The following UAP1L1 variants were observed in gnomAD, a reference collection of about 807,000 sequenced individuals.
The protein encoded by UAP1L1 is UDP-N-acetylglucosamine pyrophosphorylase 1 like 1, also known as UDP-N-acetylhexosamine pyrophosphorylase-like protein 1.
UAP1L1 carries 45 observed loss-of-function variants against 45.3 expected under a neutral mutation model. The ratio of observed to expected loss-of-function variants is 0.99; its 90% CI spans 0.78 to 1.27. The LOEUF is 1.27. Ranked by LOEUF, UAP1L1 falls within the 50% of genes most tolerant of loss-of-function variation. The probability of loss-of-function intolerance (pLI) is 0.00; values close to 1 mark genes in which losing one functional copy is unlikely to be tolerated. For missense variants in UAP1L1, 667 were observed against 694.0 expected (o/e 0.96, Z 0.44); for synonymous variants, 323 against 303.9 (o/e 1.06, Z -0.65).
chr9:137,082,561 G>A lies in UAP1L1; in HGVS notation c.1432-76G>A. 8.1e-7 allele frequency: 1 copy of A among 1,235,424 alleles called. No individual in the cohort carries two copies. Among genetic ancestry groups the A allele is most frequent in the Non-Finnish European group, 1.2e-6 (1 of 864,060 alleles). The allele number at this position is 1,235,424 out of a possible 1,614,324, so 76.5% of individuals were successfully genotyped here. On this transcript the variant is annotated intron_variant, in intron 8 of 8. Transcript: ENST00000409858. This position sits in a 1 kb window ranked among gnomAD's most constrained non-coding sequence, Gnocchi z 5.7. ...ACCTGGGATCGCACCTGGGGACTGT[G>A]GCTCTTGGTGTGGCCAGAGGGGCTG...
Position 137,080,768 on chromosome 9 carries a change from C to T in UAP1L1, c.1258C>T (p.Pro420Ser). The change falls in exon 7 of 9, where the codon CCC (proline) becomes TCC (serine). Residue 420 changes from proline (P) to serine (S), a missense_variant. Physicochemically the swap from Pro to Ser is moderately conservative, Grantham distance 74 (BLOSUM62 -1). Coordinates refer to ENST00000409858, the MANE Select transcript of UAP1L1 (RefSeq NM_207309.3). ...KNAEPADRDS[P>S]RTARQALLTQ... ...CGCAGAGCCAGCCGACAGGGACAGT[C>T]CCCGCACCGCTCGCCAGGCCCTGCT... is the stretch of plus-strand genomic sequence containing the variant. 1 of 1,612,794 alleles carries T rather than the reference C, an allele frequency of 6.2e-7. No individual in the cohort carries two copies. Among genetic ancestry groups the T allele is most frequent in the South Asian group, 1.1e-5 (1 of 91,074 alleles).
intron 5 of UAP1L1, 44 bp downstream of exon 5, chr9:137,079,493 T>A: frequency 6.5e-7 from 1 of 1,541,534 alleles, no homozygotes; most frequent in Non-Finnish European, 8.8e-7. Context: ...CAGAGCCGCC[T>A]GCGTTGACCA....
Position 137,080,056 on chromosome 9 carries a change from G to A in UAP1L1, c.1092G>A (p.Val364=), listed in dbSNP as rs1048809309. The change falls in exon 6 of 9, where the codon GTG becomes GTA. Residue 364 remains valine, a synonymous_variant. Transcript: ENST00000409858. Reference sequence around the variant, plus strand: ...TGGCTGTGAAGAAGGTCCCGTATGTGGATGAGGAGGGGAATCTGGTAAAGC... The same window carrying A: ...TGGCTGTGAAGAAGGTCCCGTATGTAGATGAGGAGGGGAATCTGGTAAAGC... ...PHVAVKKVPY[V]DEEGNLVKPL... is the part of the protein sequence containing the mutation. 3.7e-6 allele frequency: 6 copies of A among 1,614,190 alleles called. No homozygotes were observed. Among genetic ancestry groups the A allele is most frequent in the Non-Finnish European group, 5.1e-6 (6 of 1,180,002 alleles).
rs1263205005 is a variant in UAP1L1, at chr9:137,084,379, T to C, written c.*1650T>C. On this transcript the variant is annotated 3_prime_UTR_variant, in exon 9 of 9. Coordinates refer to ENST00000409858, the MANE Select transcript of UAP1L1 (RefSeq NM_207309.3). ...TTAGTAGAGATGGGGTTTGACCGTG[T>C]TAGCCAGGATGGTCTCGATCTCCTG... is the stretch of plus-strand genomic sequence containing the variant. The C allele has an allele frequency of 1.3e-5, 2 of 152,248 alleles. No homozygotes were observed. Among genetic ancestry groups the C allele is most frequent in the Non-Finnish European group, 2.9e-5 (2 of 68,100 alleles). 9.4% of individuals were successfully genotyped at this position (152,248 alleles called of 1,614,324 possible).
chr9:137,081,869 G>C, intron 7 of UAP1L1, 129 bp from the exon 8 acceptor site: 1 of 873,938 alleles, frequency 1.1e-6, no homozygotes, highest in Admixed American at 1.8e-5. Flanking sequence ...AGAGGAAGAT[G>C]AGCTTGCTGA....
Position 137,077,903 on chromosome 9 carries a change from C to T in UAP1L1, c.289+82C>T. On this transcript the variant is annotated intron_variant, in intron 1 of 8. Transcript: ENST00000409858. The surrounding 1 kb of genome is among the most constrained non-coding windows in gnomAD (Gnocchi z 4.7). ...GGGAACCGAGGCCGCGCTCGGGGAA[C>T]TGTAGTTCTCCTCGCTACTTTGAGA... 6.7e-7 allele frequency: 1 copy of T among 1,485,452 alleles called. No homozygotes were observed. Among genetic ancestry groups the T allele is most frequent in the South Asian group, 1.3e-5 (1 of 74,618 alleles). The allele number at this position is 1,485,452 out of a possible 1,614,324, so 92.0% of individuals were successfully genotyped here.
Position 137,082,608 on chromosome 9 carries a change from C to T in UAP1L1, c.1432-29C>T, listed in dbSNP as rs779620781. 2.0e-6 allele frequency: 3 copies of T among 1,537,938 alleles called. No individual in the cohort carries two copies. The highest frequency in any genetic ancestry group is 3.9e-5 in the Admixed American group (2 of 50,950). ...GCTGTGACCCGCCAAAAGGTGGGTA[C>T]TTGGCCATTGTCCCCTGCTCGTCTC... is the stretch of plus-strand genomic sequence containing the variant. On this transcript the variant is annotated intron_variant, in intron 8 of 8. Transcript: ENST00000409858. The surrounding 1 kb of genome is among the most constrained non-coding windows in gnomAD (Gnocchi z 5.7).
At chr9:137,080,975 G>A (rs1832780233) in intron 7 of UAP1L1, 101 bp downstream of exon 7, 4 of 1,231,966 alleles carry the variant, frequency 3.2e-6, no homozygotes, top group Non-Finnish European at 4.4e-6. Context: ...CCATGCTGGG[G>A]AGGGGTCTTC....
In UAP1L1 at chr9:137,082,827, G is replaced by A; in HGVS notation, c.*98G>A. Reference sequence around the variant, plus strand: ...GACCTGCCAGCCCCGGCGTCCTGGAGCTGGGGGCTACAGCCCAGCCTGAGC... The same window carrying A: ...GACCTGCCAGCCCCGGCGTCCTGGAACTGGGGGCTACAGCCCAGCCTGAGC... On this transcript the variant is annotated 3_prime_UTR_variant, in exon 9 of 9. Transcript: ENST00000409858. The surrounding 1 kb of genome is among the most constrained non-coding windows in gnomAD (Gnocchi z 5.7). The A allele has an allele frequency of 3.0e-6, 3 of 1,013,306 alleles. No homozygotes were observed. The highest frequency in any genetic ancestry group is 4.4e-6 in the Non-Finnish European group (3 of 682,290). 62.8% of individuals were successfully genotyped at this position (1,013,306 alleles called of 1,614,324 possible).
intron 3 of UAP1L1, 85 bp from the exon 4 acceptor site, chr9:137,078,890 CT>C: frequency 6.8e-7 from 1 of 1,470,974 alleles, no homozygotes; most frequent in Admixed American, 2.4e-5. Context: ...AAGGCCGGGG[CT>C]TCCCCCGCCT....
Position 137,078,536 on chromosome 9 carries a change from A to G in UAP1L1, c.529A>G (p.Thr177Ala). 1.2e-6 allele frequency: 2 copies of G among 1,613,140 alleles called. No homozygotes were observed. Among genetic ancestry groups the G allele is most frequent in the Non-Finnish European group, 1.7e-6 (2 of 1,180,012 alleles). Residue 177 changes from threonine (T) to alanine (A), a missense_variant, in exon 3 of 9, where the codon ACG (threonine) becomes GCG (alanine). Physicochemically the swap from Thr to Ala is moderately conservative, Grantham distance 58. Coordinates refer to ENST00000409858, the MANE Select transcript of UAP1L1 (RefSeq NM_207309.3). ...GACCAGCGAGTTCACTCTGGGGCCC[A>G]CGGCCGAGTTCTTCAGGGAGCACAA... ...VMTSEFTLGP[T>A]AEFFREHNFF...
At chr9:137,079,938 A>G (rs1700559418) in intron 5 of UAP1L1, 64 bp from the exon 6 acceptor site, 43 of 1,584,434 alleles carry the variant, frequency 2.7e-5, no homozygotes, top group Non-Finnish European at 3.6e-5. Flanking sequence ...AAGTGGGGAC[A>G]GAGCCCCCAG....
rs946890897 is a variant in UAP1L1, at chr9:137,083,014, A to G, written c.*285A>G. On this transcript the variant is annotated 3_prime_UTR_variant, in exon 9 of 9. Transcript: ENST00000409858. The stretch of plus-strand genomic sequence containing the variant: ...GGCTCCATTCCTGGCTGTGGGGTCT[A>G]GTCAAGAGGCAGAGGGACTTGGGAC... The G allele has an allele frequency of 2.9e-5, 12 of 418,926 alleles. No individual in the cohort carries two copies. The highest frequency in any genetic ancestry group is 2.4e-4 in the African/African-American group (12 of 50,182). 26.0% of individuals were successfully genotyped at this position (418,926 alleles called of 1,614,324 possible).
intron 5 of UAP1L1, 62 bp downstream of exon 5, chr9:137,079,511 G>T (rs1307134977): frequency 4.0e-6 from 6 of 1,495,978 alleles, no homozygotes; most frequent in Non-Finnish European, 3.6e-6. Flanking sequence ...CCAGGGACCC[G>T]CGGGGTCCCA....
intron 3 of UAP1L1, 76 bp downstream of exon 3, chr9:137,078,753 G>C (rs755151127): frequency 1.3e-6 from 2 of 1,500,150 alleles, no homozygotes; most frequent in Non-Finnish European, 1.8e-6. Context: ...CACGCGCCCG[G>C]GTTCGCGGCT....
chr9:137,079,237 T>A lies in UAP1L1; in HGVS notation c.844-19T>A. The A allele has an allele frequency of 6.5e-7, 1 of 1,535,890 alleles. No homozygotes were observed. Among genetic ancestry groups the A allele is most frequent in the Non-Finnish European group, 8.9e-7 (1 of 1,127,588 alleles). ...CCCTCCGCCCAGCCCTCGGAACCCA[T>A]CCCTGGTCTTGGCTGCAGGTGGTGG... On this transcript the variant is annotated intron_variant, in intron 4 of 8. Transcript: ENST00000409858.
At chr9:137,081,138 C>T (rs181087299) in intron 7 of UAP1L1, among the ~76,000 whole-genome samples, 3 of 152,326 alleles carry the variant, frequency 2.0e-5, no homozygotes, top group Admixed American at 1.3e-4. Flanking sequence ...CCCAACTTAT[C>T]CACAAGGTTT....
chr9:137,078,911 C>G, intron 3 of UAP1L1, 65 bp from the exon 4 acceptor site: 1 of 1,527,036 alleles, frequency 6.5e-7, no homozygotes, highest in Non-Finnish European at 8.8e-7. Context: ...TCCAGCACGT[C>G]CTAGACTCCC....
intron 7 of UAP1L1, among the ~76,000 whole-genome samples, 195 bp from the exon 8 acceptor site, chr9:137,081,803 C>T (rs1195240775): frequency 1.3e-5 from 2 of 152,132 alleles, no homozygotes; most frequent in Non-Finnish European, 2.9e-5. Context: ...GCTTTCTACC[C>T]CAAATCAGGT....
Sources: allele counts gnomAD v4.1 joint callset (sites outside exome capture counted in the v4.1 genomes callset), GRCh38; gene constraint gnomAD v4.1.1; non-coding constraint Gnocchi (gnomAD v3.1); transcripts MANE v1.5; gene names NCBI Gene and HGNC (gene_info 2026-07-23, HGNC 2026-07-21).